The following SFPQ variants were observed in gnomAD, a reference collection of about 807,000 sequenced individuals.
The protein encoded by SFPQ is splicing factor proline and glutamine rich.
In SFPQ, 11 loss-of-function variants were observed where a neutral mutation model predicts 72.9. The observed-to-expected ratio is 0.15, with a 90% CI of 0.09 to 0.25. SFPQ has a LOEUF of 0.25. Among genes scored for constraint, SFPQ ranks in the 10% least tolerant of loss-of-function variants. The pLI is 1.00. For missense variants in SFPQ, 847 were observed against 993.3 expected (o/e 0.85, Z 1.98); for synonymous variants, 506 against 367.3 (o/e 1.38, Z -4.32).
downstream of SFPQ, chr1:35,180,721 T>C (rs1639431567): frequency 2.8e-6 from 3 of 1,059,390 alleles, no homozygotes; most frequent in African/African-American, 3.3e-5. Context: ...TGCCGATCTA[T>C]GGGCAGGTCA....
intron 2 of SFPQ, 48 bp downstream of exon 2, chr1:35,191,293 A>G (rs1189039201): frequency 9.9e-6 from 15 of 1,520,050 alleles, no homozygotes; most frequent in Non-Finnish European, 1.3e-5. Flanking sequence ...TGACAAAAAA[A>G]TCCCCCACCC....
downstream of SFPQ, chr1:35,181,802 A>G (rs956393832): frequency 2.3e-5 from 23 of 984,866 alleles, no homozygotes; most frequent in African/African-American, 5.2e-5. Context: ...AAGATTATTT[A>G]AATTCACATT....
rs138635577 is a variant in SFPQ at position 35,191,656 on chromosome 1, T to C, written c.829-127A>G. On this transcript the variant is annotated intron_variant, in intron 1 of 9. Coordinates refer to ENST00000357214, the MANE Select transcript of SFPQ (RefSeq NM_005066.3). The stretch of plus-strand genomic sequence containing the variant: ...TTCCGTTTGGTCAAAATCAAGGTTT[T>C]ACTATGTGAGATTTCTAACATGAGC... The C allele has an allele frequency of 1.1e-3, 763 of 682,802 alleles. 5 individuals are homozygous for C. In the African/African-American group the frequency reaches 0.012, roughly 11 times the overall value. The allele number at this position is 682,802 out of a possible 1,614,324, so 42.3% of individuals were successfully genotyped here.
chr1:35,183,738 T>A lies in SFPQ; in HGVS notation c.*718A>T, dbSNP rs1639579310. On this transcript the variant is annotated 3_prime_UTR_variant, in exon 10 of 10. Transcript: ENST00000357214. ...TTTCCACTTTTCAAAAGCTTTCAAGTAAAGGATAGATCATAGGGCCATAAA... is the reference window on the plus strand; with the variant it reads ...TTTCCACTTTTCAAAAGCTTTCAAGAAAAGGATAGATCATAGGGCCATAAA... 2 of 1,049,380 alleles carry A rather than the reference T, an allele frequency of 1.9e-6. No homozygotes were observed. Among genetic ancestry groups the A allele is most frequent in the African/African-American group, 3.3e-5 (2 of 60,244 alleles). The allele number at this position is 1,049,380 out of a possible 1,614,324, so 65.0% of individuals were successfully genotyped here.
intron 9 of SFPQ, among the ~76,000 whole-genome samples, chr1:35,185,108 G>A (rs1401312782): frequency 6.6e-6 from 1 of 152,220 alleles, no homozygotes; most frequent in Admixed American, 6.5e-5. Context: ...CATCTGCTAA[G>A]TTGCAGAAAT....
At chr1:35,176,576 ATC>A (rs1261637861) in intron 5 of SFPQ, 1 of 152,142 alleles carries the variant, frequency 6.6e-6, no homozygotes, top group East Asian at 1.9e-4. Context: ...TACCAAAGAA[ATC>A]TTATTAATCG....
chr1:35,180,272 A>G (rs1639412759), downstream of SFPQ: 1 of 1,049,904 alleles, frequency 9.5e-7, no homozygotes, highest in Non-Finnish European at 1.1e-6. Flanking sequence ...GAGGTCTGGA[A>G]CAACAGTTGA....
At chr1:35,179,301 T>C (rs143375197), downstream of SFPQ, 27 of 1,058,894 alleles carry the variant, frequency 2.5e-5, no homozygotes, top group East Asian at 1.3e-3. Flanking sequence ...CGCATCTCTT[T>C]ATTGGGGAAA....
chr1:35,188,131 C>T (rs755158589), intron 6 of SFPQ, 41 bp from the exon 7 acceptor site: 17 of 1,416,520 alleles, frequency 1.2e-5, no homozygotes, highest in African/African-American at 2.8e-5. Context: ...GTGTTATCCA[C>T]ATCTTTTAGA....
downstream of SFPQ, chr1:35,182,219 C>A (rs1285373513): frequency 2.0e-6 from 2 of 985,252 alleles, no homozygotes; most frequent in Admixed American, 6.2e-5. Context: ...CATGGAACAC[C>A]CCTTATTTTC....
At position 35,192,416 on chromosome 1, in the gene SFPQ, T is replaced by G; in HGVS notation, c.634A>C (p.Met212Leu). ...PGPGGPKGGK[M>L]PGGPKPGGGP... ...CCACCTGGCTTCGGCCCGCCAGGCA[T>G]TTTGCCGCCTTTGGGACCACCCGGA... Residue 212 changes from methionine to leucine, a missense_variant, in exon 1 of 10, where the codon ATG becomes CTG. Transcript: ENST00000357214. 1 of 1,425,346 alleles carries G rather than the reference T, an allele frequency of 7.0e-7. No individual in the cohort carries two copies. The highest frequency in any genetic ancestry group is 9.1e-7 in the Non-Finnish European group (1 of 1,097,388). 88.3% of individuals were successfully genotyped at this position (1,425,346 alleles called of 1,614,324 possible). A position where few individuals can be genotyped will look rare whatever the true frequency, so the allele number is the denominator to read the frequency against.
chr1:35,181,047 T>G (rs1451807914), downstream of SFPQ: 3 of 1,064,954 alleles, frequency 2.8e-6, no homozygotes, highest in African/African-American at 4.9e-5. Context: ...TGCACTGTAA[T>G]TTCATTGTCA....
In SFPQ at chr1:35,191,004, C is replaced by CA; in HGVS notation, c.1018-10dup. 2 of 1,607,990 alleles carry CA rather than the reference C, an allele frequency of 1.2e-6. No individual in the cohort carries two copies. The highest frequency in any genetic ancestry group is 1.7e-6 in the Non-Finnish European group (2 of 1,176,736). On this transcript the variant is annotated splice_polypyrimidine_tract_variant and intron_variant, in intron 2 of 9. Transcript: ENST00000357214. ...GCCAAAGCTCTAGATTCCTGTGTAT[C>CA]AGAGACACTCATGTTAATGACCTCA...
chr1:35,180,472 G>C, downstream of SFPQ: 1 of 1,050,384 alleles, frequency 9.5e-7, no homozygotes, highest in Non-Finnish European at 1.1e-6. Context: ...GTATTCGACT[G>C]TAGTCAAGTC....
downstream of SFPQ, chr1:35,180,642 A>C (rs1465225368): frequency 9.5e-7 from 1 of 1,053,064 alleles, no homozygotes; most frequent in African/African-American, 1.7e-5. Flanking sequence ...CGCATTACAA[A>C]AAAACCTGTA....
intron 4 of SFPQ, chr1:35,177,918 C>T: frequency 1.5e-6 from 1 of 651,844 alleles, no homozygotes; most frequent in Non-Finnish European, 2.1e-6. Context: ...TTTCACTCCA[C>T]ATATCTAAAT....
chr1:35,189,164 GT>G (rs1390206087), intron 5 of SFPQ, 21 bp downstream of exon 5: 2 of 1,612,894 alleles, frequency 1.2e-6, no homozygotes, highest in African/African-American at 1.3e-5. Flanking sequence ...TAGCAATGAT[GT>G]TCACGCACAG....
At chr1:35,191,923 T>A (rs963157608) in intron 1 of SFPQ, among the ~76,000 whole-genome samples, 3 of 152,240 alleles carry the variant, frequency 2.0e-5, no homozygotes, top group Non-Finnish European at 4.4e-5. Flanking sequence ...CTACGCCGCA[T>A]GCTCTGCATT....
intron 5 of SFPQ, 37 bp downstream of exon 5, chr1:35,189,149 G>T: frequency 6.2e-7 from 1 of 1,613,300 alleles, no homozygotes; most frequent in South Asian, 1.1e-5. Context: ...AAAAACAATT[G>T]ACCTTAGCAA....
Sources: gnomAD v4.1 joint callset for allele counts (sites outside exome capture counted in the v4.1 genomes callset) on GRCh38, gnomAD v4.1.1 for gene constraint, MANE v1.5 for transcripts, NCBI Gene and HGNC (gene_info 2026-07-23, HGNC 2026-07-21) for gene names.